Variants in SIK3 observed in about 807,000 individuals in gnomAD.
SIK3 encodes SIK family kinase 3, also known as serine/threonine-protein kinase SIK3.
In SIK3, 28 loss-of-function variants were observed where a neutral mutation model predicts 144.2. That is an observed-to-expected ratio of 0.19 (90% CI 0.14 to 0.27). The LOEUF (loss-of-function observed/expected upper bound fraction) is 0.27. SIK3 is among the 10% of genes least tolerant of loss of function. The probability of loss-of-function intolerance (pLI) is 1.00; values close to 1 mark genes in which losing one functional copy is unlikely to be tolerated. For missense variants in SIK3, 1,319 were observed against 1,776.0 expected, an observed-to-expected ratio of 0.74 and a Z score of 4.62; for synonymous variants, 686 against 676.3, an observed-to-expected ratio of 1.01 and a Z score of -0.22.
At chr11:117,058,447 G>A (rs1953640300) in intron 1 of SIK3, among the ~76,000 whole-genome samples, 1 of 149,640 alleles carries the variant, frequency 6.7e-6, no homozygotes, top group Non-Finnish European at 1.5e-5. Context: ...TTGAACCCAG[G>A]AGGCGGAAGC....
chr11:116,963,649 A>T (rs1949426352), intron 1 of SIK3, among the ~76,000 whole-genome samples: 1 of 152,186 alleles, frequency 6.6e-6, no homozygotes, highest in Non-Finnish European at 1.5e-5. Flanking sequence ...AAACTCTGAG[A>T]ACAACTGCCC....
intron 3 of SIK3, among the ~76,000 whole-genome samples, chr11:116,949,548 A>T (rs1948836761): frequency 6.6e-6 from 1 of 152,184 alleles, no homozygotes; most frequent in African/African-American, 2.4e-5. Flanking sequence ...GGGTCTCCCT[A>T]TGTTGCCTAT....
intron 1 of SIK3, among the ~76,000 whole-genome samples, chr11:116,978,860 C>T (rs182817704): frequency 3.2e-4 from 49 of 152,192 alleles, no homozygotes; most frequent in African/African-American, 1.0e-3. Flanking sequence ...TTGGAATATT[C>T]CTCTACGAAG....
intron 1 of SIK3, among the ~76,000 whole-genome samples, chr11:117,076,150 G>T (rs1304766652): frequency 6.6e-6 from 1 of 151,862 alleles, no homozygotes; most frequent in East Asian, 1.9e-4. Flanking sequence ...CACCCGGCCA[G>T]TTACTGATAC....
chr11:116,915,890 C>A (rs780361643), intron 4 of SIK3, among the ~76,000 whole-genome samples: 8 of 152,104 alleles, frequency 5.3e-5, no homozygotes, highest in Non-Finnish European at 1.2e-4. Context: ...GTACCCTGGT[C>A]AAAGCTATTA....
At chr11:117,028,385 T>C (rs1244972756) in intron 1 of SIK3, among the ~76,000 whole-genome samples, 1 of 152,118 alleles carries the variant, frequency 6.6e-6, no homozygotes, top group African/African-American at 2.4e-5. Flanking sequence ...AGTACACAGT[T>C]CCTGCTCTAG....
chr11:117,011,716 G>A (rs1400371824), intron 1 of SIK3, among the ~76,000 whole-genome samples: 2 of 152,116 alleles, frequency 1.3e-5, no homozygotes, highest in South Asian at 2.1e-4. Flanking sequence ...GGTGACTCAC[G>A]CCTATACTCC....
chr11:116,984,382 C>A (rs1292941095), intron 1 of SIK3, among the ~76,000 whole-genome samples: 1 of 152,112 alleles, frequency 6.6e-6, no homozygotes, highest in African/African-American at 2.4e-5. Flanking sequence ...CACAGTGGTC[C>A]ATAAGGGGAA....
intron 1 of SIK3, among the ~76,000 whole-genome samples, chr11:117,003,357 T>G (rs567228180): frequency 6.6e-5 from 10 of 152,280 alleles, no homozygotes; most frequent in Non-Finnish European, 8.8e-5. Flanking sequence ...GAATTCAAGC[T>G]CCAACACACT....
chr11:116,865,322 C>A (rs897221121), intron 15 of SIK3, among the ~76,000 whole-genome samples: 1 of 152,130 alleles, frequency 6.6e-6, no homozygotes, highest in African/African-American at 2.4e-5. Flanking sequence ...CAGAAAATCC[C>A]AGGTCCAGGT....
chr11:116,994,663 A>C (rs953165171), intron 1 of SIK3, among the ~76,000 whole-genome samples: 11 of 152,182 alleles, frequency 7.2e-5, no homozygotes, highest in African/African-American at 2.7e-4. Context: ...ATGTACTATA[A>C]GCCATCACTG....
intron 3 of SIK3, among the ~76,000 whole-genome samples, chr11:116,953,366 T>C (rs1565494892): frequency 1.3e-5 from 2 of 152,160 alleles, no homozygotes; most frequent in Non-Finnish European, 2.9e-5. Context: ...GACACATCAA[T>C]TTAGATTTGG....
At chr11:117,087,331 T>C (rs534099480) in intron 1 of SIK3, among the ~76,000 whole-genome samples, 66 of 151,884 alleles carry the variant, frequency 4.3e-4, no homozygotes, top group Non-Finnish European at 7.2e-4. Flanking sequence ...TAATCCCAGC[T>C]ACTAGGGAAG....
intron 4 of SIK3, among the ~76,000 whole-genome samples, chr11:116,897,862 G>A (rs1469313431): frequency 1.3e-5 from 2 of 150,970 alleles, no homozygotes; most frequent in South Asian, 2.1e-4. Context: ...CAGCCTGGGC[G>A]ACAGAGCAAG....
In SIK3 at chr11:116,904,686, C is replaced by T. The variant is rs575342813; in HGVS notation, c.617-7369G>A. On this transcript the variant is annotated intron_variant, in intron 4 of 24. Coordinates refer to ENST00000445177, the MANE Select transcript of SIK3 (RefSeq NM_001366686.3). ...TTCTTAATGTCTCTTTTATAAGTCT[C>T]TCATAAAATATTTTCTTATAAAATG... 2.0e-3 allele frequency: 305 copies of T among 152,232 alleles called. 3 individuals are homozygous for T. The highest frequency in any genetic ancestry group is 6.8e-3 in the African/African-American group (283 of 41,544). 9.4% of individuals were successfully genotyped at this position (152,232 alleles called of 1,614,324 possible). A position where few individuals can be genotyped will look rare whatever the true frequency, so the allele number is the denominator to read the frequency against.
chr11:116,867,874 C>T lies in SIK3; in HGVS notation c.1952+72G>A, dbSNP rs1372589934. 3 of 1,409,936 alleles carry T rather than the reference C, an allele frequency of 2.1e-6. No homozygotes were observed. Among genetic ancestry groups the T allele is most frequent in the Non-Finnish European group, 9.4e-7 (1 of 1,064,062 alleles). 87.3% of individuals were successfully genotyped at this position (1,409,936 alleles called of 1,614,324 possible). On this transcript the variant is annotated intron_variant, in intron 15 of 24. Transcript: ENST00000445177. The surrounding 1 kb of genome is among the most constrained non-coding windows in gnomAD (Gnocchi z 4.1). ...AAAGCCACGATGCTAGTCACCGTCG[C>T]TGTGAGACTAATCAGAAGGGTGCCT...
intron 1 of SIK3, among the ~76,000 whole-genome samples, chr11:116,994,004 T>C (rs573289231): frequency 2.0e-5 from 3 of 152,326 alleles, no homozygotes; most frequent in Admixed American, 6.5e-5. Flanking sequence ...TGGCTTAGCA[T>C]TTAAACAGGT....
intron 21 of SIK3, among the ~76,000 whole-genome samples, chr11:116,856,151 C>T (rs1356634574): frequency 6.7e-6 from 1 of 149,388 alleles, no homozygotes; most frequent in Admixed American, 6.7e-5. Context: ...GAGCTGAGAT[C>T]GCACCACTGC....
intron 1 of SIK3, among the ~76,000 whole-genome samples, chr11:117,052,581 G>A (rs1348836810): frequency 6.6e-6 from 1 of 152,174 alleles, no homozygotes; most frequent in Admixed American, 6.5e-5. Flanking sequence ...TAAGAAGAAA[G>A]TGGAAAAGGC....
Sources: allele counts gnomAD v4.1 joint callset (sites outside exome capture counted in the v4.1 genomes callset), GRCh38; gene constraint gnomAD v4.1.1; non-coding constraint Gnocchi (gnomAD v3.1); transcripts MANE v1.5; gene names NCBI Gene and HGNC (gene_info 2026-07-23, HGNC 2026-07-21).